ABCA4: variants seen among roughly 807,000 people sequenced by gnomAD.
The protein encoded by ABCA4 is retinal-specific phospholipid-transporting ATPase ABCA4.
Under a neutral mutation model 263.7 loss-of-function variants are expected in ABCA4, and 196 were observed. The ratio of observed to expected loss-of-function variants is 0.74; its 90% confidence interval spans 0.66 to 0.84. ABCA4 has a LOEUF of 0.84. Among genes scored for constraint, ABCA4 ranks in the 40% least tolerant of loss-of-function variants. ABCA4 has a pLI of 0.00. For synonymous variants in ABCA4, 1,133 were observed against 1,094.2 expected (o/e 1.04, Z -0.70); for missense variants, 2,792 against 2,855.1 (o/e 0.98, Z 0.50).
At position 94,048,871 on chromosome 1, in the gene ABCA4, G is replaced by A; in HGVS notation, c.2740C>T (p.His914Tyr). ...GTATTCTTTATCGGGGTTTTACCGT[G>A]TATTCCTTCTGGGTGCTCTGGATCC... ...TEDPEHPEGI[H>Y]DSFFEREHPG... The change falls in exon 18 of 50, where the codon CAC becomes TAC. Residue 914 changes from histidine (H) to tyrosine (Y), a missense_variant. Physicochemically the swap from His to Tyr is moderately conservative, Grantham distance 83. Coordinates refer to ENST00000370225, the MANE Select transcript of ABCA4 (RefSeq NM_000350.3). The A allele has an allele frequency of 6.2e-7, 1 of 1,614,088 alleles. No individual in the cohort carries two copies. Among genetic ancestry groups the A allele is most frequent in the Non-Finnish European group, 8.5e-7 (1 of 1,179,944 alleles).
At chr1:94,042,655 C>T in intron 22 of ABCA4, 106 bp downstream of exon 22, 2 of 1,467,932 alleles carry the variant, frequency 1.4e-6, no homozygotes, top group East Asian at 2.3e-5. Context: ...TGAGTGTAGT[C>T]ATTGTGGTTC....
In ABCA4 at chr1:94,068,948, C is replaced by T. The variant is rs189547735; in HGVS notation, c.1555-5631G>A. On this transcript the variant is annotated intron_variant, in intron 11 of 49. Coordinates refer to ENST00000370225, the MANE Select transcript of ABCA4 (RefSeq NM_000350.3). The stretch of plus-strand genomic sequence containing the variant: ...CAATGACAATAAAGCAAGGAAAGGG[C>T]TTTCCTCCTCCCCTTTAGTTTCCTA... Among the ~76,000 whole-genome samples the T allele has an allele frequency of 1.1e-4, 17 of 152,364 alleles. No individual in the cohort carries two copies. In the East Asian group the frequency reaches 3.3e-3, roughly 29 times the overall value.
At position 94,117,481 on chromosome 1, in the gene ABCA4, C is replaced by G. The variant is rs3789447; in HGVS notation, c.66+3499G>C. On this transcript the variant is annotated intron_variant, in intron 1 of 49. Transcript: ENST00000370225. ...ACTTTCATGAGTCCTCAGGCCCCCC[C>G]ACAGATATCCATCCTAACCCAGAAG... Among the ~76,000 whole-genome samples the G allele has an allele frequency of 5.4e-5, 8 of 148,304 alleles. No individual in the cohort carries two copies. The East Asian group carries it at 1.4e-3, about 26-fold the overall frequency.
chr1:94,038,002 G>A (rs1377173874), intron 24 of ABCA4, among the ~76,000 whole-genome samples: 1 of 152,138 alleles, frequency 6.6e-6, no homozygotes, highest in Non-Finnish European at 1.5e-5. Flanking sequence ...CGGTGACCAA[G>A]CTGAGTGAGA....
rs371080982 is a variant in ABCA4 at position 94,021,442 on chromosome 1, A to C, written c.4849-33T>G. On this transcript the variant is annotated intron_variant, in intron 34 of 49. Transcript: ENST00000370225. ...GTGGAGAGGACATCTGAGACGCTGC[A>C]CTAACAGCTAGTTAAAGCAGAAATC... 7 of 1,613,722 alleles carry C rather than the reference A, an allele frequency of 4.3e-6. No homozygotes were observed. In the African/African-American group the frequency reaches 6.7e-5, roughly 15 times the overall value.
intron 10 of ABCA4, among the ~76,000 whole-genome samples, 159 bp from the exon 11 acceptor site, chr1:94,078,046 A>G (rs1200787944): frequency 1.3e-5 from 2 of 152,206 alleles, no homozygotes; most frequent in Non-Finnish European, 2.9e-5. Context: ...ATACCTATCT[A>G]TATCCCATTT....
rs1328389834 is a variant in ABCA4 at position 94,011,252 on chromosome 1, T to C, written c.5584+10A>G. On this transcript the variant is annotated intron_variant, in intron 39 of 49. Coordinates refer to ENST00000370225, the MANE Select transcript of ABCA4 (RefSeq NM_000350.3). ...GGGCCCATGCTCCATGGGCCTCGGC[T>C]ACCACCCACCAAACCGGGCATAGAC... 1.2e-6 allele frequency: 2 copies of C among 1,613,950 alleles called. No individual in the cohort carries two copies. The highest frequency in any genetic ancestry group is 8.5e-7 in the Non-Finnish European group (1 of 1,179,980).
intron 45 of ABCA4, 81 bp from the exon 46 acceptor site, chr1:94,001,186 T>A: frequency 8.6e-7 from 1 of 1,159,432 alleles, no homozygotes; most frequent in Non-Finnish European, 1.3e-6. Context: ...CTGGCTCCCC[T>A]GTGGAGGATG....
intron 8 of ABCA4, 134 bp from the exon 9 acceptor site, chr1:94,079,595 G>T: frequency 1.5e-6 from 2 of 1,303,102 alleles, no homozygotes; most frequent in Non-Finnish European, 2.2e-6. Context: ...TAAATTAATA[G>T]GCTGTACCCC....
chr1:94,054,963 G>T, intron 16 of ABCA4, 148 bp downstream of exon 16: 1 of 827,328 alleles, frequency 1.2e-6, no homozygotes, highest in Non-Finnish European at 2.0e-6. Flanking sequence ...AGTAGGATTT[G>T]CTGGTGGATT....
At chr1:94,042,244 G>A (rs962194352) in intron 22 of ABCA4, among the ~76,000 whole-genome samples, 3 of 152,148 alleles carry the variant, frequency 2.0e-5, no homozygotes, top group Admixed American at 1.3e-4. Flanking sequence ...GGGTTGAACC[G>A]TGCTGTTACC....
intron 22 of ABCA4, 37 bp downstream of exon 22, chr1:94,042,724 G>T: frequency 5.0e-6 from 8 of 1,613,938 alleles, no homozygotes; most frequent in Non-Finnish European, 6.8e-6. Flanking sequence ...GGGCTGCAGT[G>T]AGAGCCCAGC....
intron 36 of ABCA4, among the ~76,000 whole-genome samples, 200 bp from the exon 37 acceptor site, chr1:94,016,054 T>C (rs1238382366): frequency 6.6e-6 from 1 of 152,200 alleles, no homozygotes; most frequent in East Asian, 1.9e-4. Flanking sequence ...CCTACCTCCC[T>C]GCCAAGGGAA....
intron 36 of ABCA4, among the ~76,000 whole-genome samples, chr1:94,017,594 G>A (rs1557766857): frequency 6.6e-6 from 1 of 152,208 alleles, no homozygotes; most frequent in Admixed American, 6.5e-5. Context: ...GGGCGAAAGA[G>A]GAGTGGGGTG....
chr1:94,078,066 C>T (rs1241269116), intron 10 of ABCA4, among the ~76,000 whole-genome samples, 179 bp from the exon 11 acceptor site: 3 of 152,174 alleles, frequency 2.0e-5, no homozygotes, highest in African/African-American at 7.2e-5. Flanking sequence ...TCCCCAAGTC[C>T]ATGGGTCTCT....
intron 11 of ABCA4, among the ~76,000 whole-genome samples, chr1:94,066,904 G>A (rs1464580784): frequency 6.6e-6 from 1 of 152,242 alleles, no homozygotes; most frequent in Non-Finnish European, 1.5e-5. Context: ...TTAAAATGTG[G>A]CTAATGCATC....
chr1:94,008,887 G>T lies in ABCA4; in HGVS notation c.5715-16C>A, dbSNP rs200554459. 6.2e-7 allele frequency: 1 copy of T among 1,611,050 alleles called. No homozygotes were observed. The highest frequency in any genetic ancestry group is 1.1e-5 in the South Asian group (1 of 91,012). On this transcript the variant is annotated splice_polypyrimidine_tract_variant and intron_variant, in intron 40 of 49. Transcript: ENST00000370225. ...CTCGGCAATCCTAGATGAAGAAAAG[G>T]GGTCAGGATTGGGCTGGCTGTACAG...
chr1:94,039,828 G>T (rs1348407563), intron 24 of ABCA4, among the ~76,000 whole-genome samples: 1 of 152,240 alleles, frequency 6.6e-6, no homozygotes, highest in Non-Finnish European at 1.5e-5. Context: ...ATTAAAGGGA[G>T]AGGGCCTTTA....
intron 28 of ABCA4, 80 bp downstream of exon 28, chr1:94,030,916 A>G (rs1193051958): frequency 1.9e-6 from 3 of 1,591,396 alleles, no homozygotes; most frequent in Admixed American, 3.4e-5. Context: ...TGAAGTGGGA[A>G]GGTCAGGGCC....
Sources: allele counts gnomAD v4.1 joint callset (sites outside exome capture counted in the v4.1 genomes callset), GRCh38; gene constraint gnomAD v4.1.1; transcripts MANE v1.5; gene names NCBI Gene and HGNC (gene_info 2026-07-23, HGNC 2026-07-21).